Variants in SPOCK1 observed in about 807,000 individuals in gnomAD.
SPOCK1 encodes the protein SPARC (osteonectin), cwcv and kazal like domains proteoglycan 1, also known as testican-1.
Under a neutral mutation model 55.3 loss-of-function variants are expected in SPOCK1, and 23 were observed. That is an observed-to-expected ratio of 0.42 (90% CI 0.30 to 0.59). The LOEUF is 0.59. Ranked by LOEUF, SPOCK1 falls within the 20% of genes least tolerant of loss-of-function variation. The pLI is 0.22. For synonymous variants in SPOCK1, 226 were observed against 221.0 expected, an observed-to-expected ratio of 1.02 and a Z score of -0.20; for missense variants, 499 against 552.5, an observed-to-expected ratio of 0.90 and a Z score of 0.97.
intron 4 of SPOCK1, among the ~76,000 whole-genome samples, chr5:137,120,817 C>T (rs920231459): frequency 7.9e-5 from 12 of 152,212 alleles, no homozygotes; most frequent in East Asian, 5.8e-4. Flanking sequence ...CACACCTGCC[C>T]GCCAGTCTCG....
chr5:137,175,188 G>C (rs1164646021), intron 3 of SPOCK1, among the ~76,000 whole-genome samples: 1 of 152,200 alleles, frequency 6.6e-6, no homozygotes, highest in East Asian at 1.9e-4. Flanking sequence ...ATGAAGCCTT[G>C]TGGAAAAGAG....
chr5:137,271,104 G>T (rs1313839255), intron 2 of SPOCK1, among the ~76,000 whole-genome samples: 1 of 152,014 alleles, frequency 6.6e-6, no homozygotes, highest in Admixed American at 6.6e-5. Flanking sequence ...AAGGAGGAGG[G>T]TTGGTGTTAG....
intron 2 of SPOCK1, among the ~76,000 whole-genome samples, chr5:137,344,296 T>A (rs924968952): frequency 7.9e-5 from 12 of 152,226 alleles, no homozygotes; most frequent in African/African-American, 2.9e-4. Flanking sequence ...TGATGACTAT[T>A]TAAAAATCAA....
intron 2 of SPOCK1, among the ~76,000 whole-genome samples, chr5:137,297,074 ATATG>A (rs772987035): frequency 3.3e-5 from 5 of 152,236 alleles, no homozygotes; most frequent in Non-Finnish European, 5.9e-5. Flanking sequence ...TATAAACATA[ATATG>A]TATGTATATT....
chr5:137,111,636 G>A (rs76866157), intron 5 of SPOCK1, among the ~76,000 whole-genome samples: 1 of 152,024 alleles, frequency 6.6e-6, no homozygotes, highest in Non-Finnish European at 1.5e-5. Context: ...AATCACAAAT[G>A]GCCATACTTC....
chr5:137,388,234 G>A (rs933649259), intron 2 of SPOCK1, among the ~76,000 whole-genome samples: 20 of 152,216 alleles, frequency 1.3e-4, no homozygotes, highest in African/African-American at 4.8e-4. Context: ...GTGGATGAGA[G>A]TTTCATCTCC....
At chr5:137,108,918 C>T (rs943372032) in intron 5 of SPOCK1, among the ~76,000 whole-genome samples, 8 of 152,216 alleles carry the variant, frequency 5.3e-5, no homozygotes, top group African/African-American at 1.9e-4. Context: ...AACTTTCCTG[C>T]CCAAACTACC....
At chr5:137,192,798 A>G (rs1304335071) in intron 3 of SPOCK1, among the ~76,000 whole-genome samples, 1 of 152,230 alleles carries the variant, frequency 6.6e-6, no homozygotes, top group Non-Finnish European at 1.5e-5. Flanking sequence ...TATGTCAAGG[A>G]AAAAAACAGT....
At chr5:137,397,340 C>T (rs529313233) in intron 2 of SPOCK1, among the ~76,000 whole-genome samples, 57 of 152,342 alleles carry the variant, frequency 3.7e-4, no homozygotes, top group Admixed American at 1.2e-3. Context: ...GGACCGCTTG[C>T]TGTCATCTCC....
chr5:137,318,467 T>C lies in SPOCK1; in HGVS notation c.187-51412A>G, dbSNP rs78608164. Among the ~76,000 whole-genome samples, 398 of 152,242 alleles carry C rather than the reference T, an allele frequency of 2.6e-3. 4 individuals carry two copies. The highest frequency in any genetic ancestry group is 9.0e-3 in the African/African-American group (375 of 41,564). On this transcript the variant is annotated intron_variant, in intron 2 of 10. Transcript: ENST00000394945. ...GGGACCACCTGATTATAATGAGGGG[T>C]TTGTCTGTCTTCTCAGCCCAGTCTC... is the stretch of plus-strand genomic sequence containing the variant.
intron 2 of SPOCK1, among the ~76,000 whole-genome samples, chr5:137,473,766 C>T (rs1171776836): frequency 6.6e-6 from 1 of 152,210 alleles, no homozygotes; most frequent in Non-Finnish European, 1.5e-5. Flanking sequence ...ACAAAAAGAG[C>T]TAGCTGTCTA....
chr5:137,023,589 CTAG>C (rs1446108757), intron 6 of SPOCK1, among the ~76,000 whole-genome samples: 2 of 152,046 alleles, frequency 1.3e-5, no homozygotes, highest in Non-Finnish European at 2.9e-5. Flanking sequence ...CAGACTGGGG[CTAG>C]AAGAATAGAT....
intron 3 of SPOCK1, among the ~76,000 whole-genome samples, chr5:137,237,882 G>T (rs1044976306): frequency 2.0e-5 from 3 of 152,124 alleles, no homozygotes; most frequent in African/African-American, 7.2e-5. Flanking sequence ...GCTGGTCTGG[G>T]GGCTACACTT....
At chr5:137,162,965 A>T (rs1754588228) in intron 3 of SPOCK1, among the ~76,000 whole-genome samples, 1 of 152,208 alleles carries the variant, frequency 6.6e-6, no homozygotes, top group African/African-American at 2.4e-5. Context: ...GGAATGGAGA[A>T]GCAGAAAGGG....
chr5:137,440,569 A>G (rs1752979198), intron 2 of SPOCK1, among the ~76,000 whole-genome samples: 1 of 152,216 alleles, frequency 6.6e-6, no homozygotes, highest in Admixed American at 6.5e-5. Flanking sequence ...CAACTTAAGC[A>G]CCATCCAGTG....
rs1477359068 is a variant in SPOCK1, at chr5:137,046,551, G to C, written c.589+21164C>G. 1.6e-3 allele frequency among the ~76,000 whole-genome samples: 228 copies of C among 139,738 alleles called. 2 individuals carry two copies. Among genetic ancestry groups the C allele is most frequent in the Admixed American group, 2.3e-3 (32 of 13,696 alleles). 91.7% of individuals were successfully genotyped at this position (139,738 alleles called of 152,430 possible). A position where few individuals can be genotyped will look rare whatever the true frequency, so the allele number is the denominator to read the frequency against. ...AGGAGATTTTGGGCTGAGACAATGGGGTTTTCTAGATAAACAATCATGTCG... is the reference window on the plus strand; with the variant it reads ...AGGAGATTTTGGGCTGAGACAATGGCGTTTTCTAGATAAACAATCATGTCG... On this transcript the variant is annotated intron_variant, in intron 6 of 10. Coordinates refer to ENST00000394945, the MANE Select transcript of SPOCK1 (RefSeq NM_004598.4).
intron 3 of SPOCK1, among the ~76,000 whole-genome samples, chr5:137,258,701 C>G (rs1756686690): frequency 6.6e-6 from 1 of 152,126 alleles, no homozygotes; most frequent in Non-Finnish European, 1.5e-5. Flanking sequence ...CAACTAACAC[C>G]ACATTTTATG....
At chr5:137,102,786 AC>A (rs1390439325) in intron 5 of SPOCK1, among the ~76,000 whole-genome samples, 1 of 152,198 alleles carries the variant, frequency 6.6e-6, no homozygotes, top group Non-Finnish European at 1.5e-5. Context: ...AATAGTACCT[AC>A]CTTACAGGTT....
intron 3 of SPOCK1, among the ~76,000 whole-genome samples, chr5:137,153,600 T>C (rs565498403): frequency 4.3e-4 from 65 of 152,180 alleles, no homozygotes; most frequent in African/African-American, 1.5e-3. Flanking sequence ...ATACCTGTAA[T>C]CCCAGCACCT....
Sources: gnomAD v4.1 joint callset for allele counts (sites outside exome capture counted in the v4.1 genomes callset) on GRCh38, gnomAD v4.1.1 for gene constraint, MANE v1.5 for transcripts, NCBI Gene and HGNC (gene_info 2026-07-23, HGNC 2026-07-21) for gene names.